TSHR: variants seen among roughly 807,000 people sequenced by gnomAD.
TSHR encodes thyroid stimulating hormone receptor, also known as thyrotropin receptor.
In TSHR, 51 loss-of-function variants were observed where a neutral mutation model predicts 64.1. The observed-to-expected ratio is 0.80, with a 90% CI of 0.64 to 1.01. The LOEUF is 1.01. Ranked by LOEUF, TSHR falls within the 50% of genes least tolerant of loss-of-function variation. TSHR has a pLI of 0.00. For synonymous variants in TSHR, 361 were observed against 361.9 expected, an observed-to-expected ratio of 1.00 and a Z score of 0.03; for missense variants, 877 against 942.8, an observed-to-expected ratio of 0.93 and a Z score of 0.91.
chr14:81,006,192 G>A (rs955378396), intron 1 of TSHR, among the ~76,000 whole-genome samples: 5 of 152,120 alleles, frequency 3.3e-5, no homozygotes, highest in African/African-American at 7.2e-5. Context: ...TACTTTACAC[G>A]CATTTTCCCC....
intron 8 of TSHR, 176 bp downstream of exon 8, chr14:81,108,628 A>C: frequency 6.2e-7 from 1 of 1,614,094 alleles, no homozygotes; most frequent in Non-Finnish European, 8.5e-7. Context: ...TCTTGGAAGA[A>C]AGTCCTTGTC....
chr14:80,985,046 C>T (rs1322591244), intron 1 of TSHR, among the ~76,000 whole-genome samples: 1 of 152,048 alleles, frequency 6.6e-6, no homozygotes, highest in African/African-American at 2.4e-5. Flanking sequence ...GTCAGGAGAT[C>T]GAGACCATCC....
chr14:81,009,417 C>A (rs1210290495), intron 1 of TSHR, among the ~76,000 whole-genome samples: 2 of 148,122 alleles, frequency 1.4e-5, no homozygotes, highest in Non-Finnish European at 3.0e-5. Flanking sequence ...CCCCTATGCG[C>A]CCACCTCCAG....
In TSHR at chr14:81,084,496, T is replaced by C. The variant is rs1375071656; in HGVS notation, c.318-3458T>C. ...ATGCTTATTAGTTTGGGTAGGTGAA[T>C]TACTATAAGAAATAGACAAAAATAC... On this transcript the variant is annotated intron_variant, in intron 3 of 9. Transcript: ENST00000298171. Among the ~76,000 whole-genome samples the C allele has an allele frequency of 2.6e-5, 4 of 152,170 alleles. No individual in the cohort carries two copies. In the East Asian group the frequency reaches 7.7e-4, roughly 29 times the overall value.
chr14:80,958,022 C>CAA (rs1225923956), intron 1 of TSHR: 1 of 152,152 alleles, frequency 6.6e-6, no homozygotes, highest in Non-Finnish European at 1.5e-5. Context: ...GTGGGTAAAA[C>CAA]AAAATGGTAG....
chr14:81,034,037 C>T (rs1197624929), intron 1 of TSHR, among the ~76,000 whole-genome samples: 2 of 152,170 alleles, frequency 1.3e-5, no homozygotes, highest in African/African-American at 4.8e-5. Flanking sequence ...ACCTATCGGC[C>T]TGGAGCTTCC....
At chr14:80,997,486 G>A (rs1332405200) in intron 1 of TSHR, among the ~76,000 whole-genome samples, 1 of 152,138 alleles carries the variant, frequency 6.6e-6, no homozygotes, top group African/African-American at 2.4e-5. Context: ...GGGATTAAAT[G>A]GGTTTTATTC....
chr14:81,103,630 G>T lies in TSHR; in HGVS notation c.615-4745G>T. On this transcript the variant is annotated intron_variant, in intron 7 of 9. Transcript: ENST00000298171. This position sits in a 1 kb window ranked among gnomAD's most constrained non-coding sequence, Gnocchi z 4.1. ...GCACATTGTCCTATGACTTCCTATG[G>T]CGCCAAGAATGTTGTCATCACTCAG... is the stretch of plus-strand genomic sequence containing the variant. 5 of 985,398 alleles carry T rather than the reference G, an allele frequency of 5.1e-6. No homozygotes were observed. Among genetic ancestry groups the T allele is most frequent in the Non-Finnish European group, 6.0e-6 (5 of 829,914 alleles). The allele number at this position is 985,398 out of a possible 1,614,324, so 61.0% of individuals were successfully genotyped here. A position where few individuals can be genotyped will look rare whatever the true frequency, so the allele number is the denominator to read the frequency against.
rs114061356 is a variant in TSHR, at chr14:81,019,136, T to C, written c.171-43012T>C. Among the ~76,000 whole-genome samples the C allele has an allele frequency of 6.0e-3, 920 of 152,088 alleles. 11 individuals are homozygous for C. The highest frequency in any genetic ancestry group is 0.021 in the African/African-American group (864 of 41,486). ...ATAACATGAATAGGCCCCCTTCAAA[T>C]TGGTGGCATGCAACATGGCAAAACC... is the stretch of plus-strand genomic sequence containing the variant. On this transcript the variant is annotated intron_variant, in intron 1 of 9. Coordinates refer to ENST00000298171, the MANE Select transcript of TSHR (RefSeq NM_000369.5).
intron 7 of TSHR, among the ~76,000 whole-genome samples, chr14:81,101,794 T>C (rs58788650): frequency 0.11 from 17,300 of 151,994 alleles, 2,731 homozygotes; most frequent in African/African-American, 0.36. Flanking sequence ...TTGGAATACC[T>C]GGAGAAAACC....
At chr14:80,986,607 C>T (rs990609858) in intron 1 of TSHR, among the ~76,000 whole-genome samples, 5 of 152,150 alleles carry the variant, frequency 3.3e-5, no homozygotes, top group Non-Finnish European at 5.9e-5. Context: ...CTGTCTCAGC[C>T]TTCCAAGTAG....
intron 1 of TSHR, among the ~76,000 whole-genome samples, chr14:81,015,317 AG>A (rs1566763791): frequency 6.6e-6 from 1 of 152,168 alleles, no homozygotes; most frequent in Non-Finnish European, 1.5e-5. Context: ...TTTTGTGGCA[AG>A]GGGGAACAAA....
rs1289565029 is a variant in TSHR at position 81,145,554 on chromosome 14, G to A, written c.*1201G>A. ...TGTTTATATAAAAGAGTAAACGATG[G>A]TTGCAAATTTTGGCTATTTAGAGTT... On this transcript the variant is annotated 3_prime_UTR_variant, in exon 10 of 10. Transcript: ENST00000298171. 4.3e-6 allele frequency: 1 copy of A among 232,956 alleles called. No individual in the cohort carries two copies. The highest frequency in any genetic ancestry group is 8.5e-6 in the Non-Finnish European group (1 of 117,996). 14.4% of individuals were successfully genotyped at this position (232,956 alleles called of 1,614,324 possible).
chr14:81,144,526 C>T lies in TSHR; in HGVS notation c.*173C>T. 1 of 676,226 alleles carries T rather than the reference C, an allele frequency of 1.5e-6. No individual in the cohort carries two copies. The highest frequency in any genetic ancestry group is 2.7e-5 in the East Asian group (1 of 36,600). The allele number at this position is 676,226 out of a possible 1,614,324, so 41.9% of individuals were successfully genotyped here. ...TCTCTGGAGAGTGATTAGTATTAAC[C>T]TAATCATTGCCCCCAAGAAGGAAGT... On this transcript the variant is annotated 3_prime_UTR_variant, in exon 10 of 10. Coordinates refer to ENST00000298171, the MANE Select transcript of TSHR (RefSeq NM_000369.5).
chr14:80,960,427 T>A (rs546381174), intron 1 of TSHR, among the ~76,000 whole-genome samples: 1 of 152,380 alleles, frequency 6.6e-6, no homozygotes, highest in Admixed American at 6.5e-5. Context: ...TCATTTCATA[T>A]ATCCAGGCTC....
intron 8 of TSHR, among the ~76,000 whole-genome samples, chr14:81,110,929 C>A (rs934886438): frequency 6.6e-6 from 1 of 152,102 alleles, no homozygotes. Flanking sequence ...TATTTGATAA[C>A]ATTGCTTTTG....
At chr14:81,114,165 G>C (rs115982074) in intron 8 of TSHR, among the ~76,000 whole-genome samples, 5 of 151,554 alleles carry the variant, frequency 3.3e-5, no homozygotes, top group South Asian at 2.1e-4. Flanking sequence ...AGTATCACTG[G>C]GGGGGAGGAG....
intron 7 of TSHR, chr14:81,106,938 C>CAAAAAA (rs5810011): frequency 9.1e-6 from 1 of 109,402 alleles, no homozygotes; most frequent in African/African-American, 3.5e-5. Flanking sequence ...GACTCCATCT[C>CAAAAAA]AAAAAAAAAA....
rs116679200 is a variant in TSHR, at chr14:81,073,586, A to G, written c.317+5258A>G. On this transcript the variant is annotated intron_variant, in intron 3 of 9. Transcript: ENST00000298171. Reference sequence around the variant, plus strand: ...CTGATTTCTAATTAACCATAGGATTAAGGAAGAAATCATAATAAACATTAG... The same window carrying G: ...CTGATTTCTAATTAACCATAGGATTGAGGAAGAAATCATAATAAACATTAG... Among the ~76,000 whole-genome samples the G allele has an allele frequency of 8.8e-3, 1,337 of 152,278 alleles. 18 individuals carry two copies. Among genetic ancestry groups the G allele is most frequent in the African/African-American group, 0.03 (1,254 of 41,562 alleles).
Sources: allele counts gnomAD v4.1 joint callset (sites outside exome capture counted in the v4.1 genomes callset), GRCh38; gene constraint gnomAD v4.1.1; non-coding constraint Gnocchi (gnomAD v3.1); transcripts MANE v1.5; gene names NCBI Gene and HGNC (gene_info 2026-07-23, HGNC 2026-07-21).